SFMBT2: variants seen among roughly 807,000 people sequenced by gnomAD.
SFMBT2 encodes the protein scm-like with four MBT domains protein 2.
A neutral mutation model predicts 110.1 loss-of-function variants in SFMBT2; 38 were observed. The ratio of observed to expected loss-of-function variants is 0.35; its 90% CI spans 0.27 to 0.45. The LOEUF (loss-of-function observed/expected upper bound fraction) is 0.45. Ranked by LOEUF, SFMBT2 falls within the 20% of genes least tolerant of loss-of-function variation. SFMBT2 has a pLI of 1.00. For synonymous variants in SFMBT2, 425 were observed against 425.4 expected (o/e 1.00, Z 0.01); for missense variants, 1,011 against 1,094.9 (o/e 0.92, Z 1.08).
chr10:7,411,258 A>AC, upstream of SFMBT2: 1 of 149,704 alleles, frequency 6.7e-6, no homozygotes, highest in Non-Finnish European at 1.5e-5. Flanking sequence ...GCAGGCGGGC[A>AC]CCCCCAGGAC....
intron 9 of SFMBT2, among the ~76,000 whole-genome samples, chr10:7,228,738 T>TTCTCTCTCTC (rs56871421): frequency 4.8e-5 from 3 of 62,546 alleles, no homozygotes; most frequent in East Asian, 5.1e-4. Flanking sequence ...TTTCTTTCCT[T>TTCTCTCTCTC]TCTCTCTCTC....
upstream of SFMBT2, among the ~76,000 whole-genome samples, chr10:7,411,058 C>T (rs1401652090): frequency 7.4e-6 from 1 of 135,648 alleles, no homozygotes; most frequent in South Asian, 2.6e-4. Flanking sequence ...TGCGCATGCT[C>T]GGCGCTCTTT....
intron 4 of SFMBT2, among the ~76,000 whole-genome samples, chr10:7,344,409 G>A (rs1209025819): frequency 6.6e-6 from 1 of 152,154 alleles, no homozygotes; most frequent in East Asian, 1.9e-4. Context: ...TTTTATAAAG[G>A]GAAGTTGCCC....
chr10:7,302,058 G>A (rs369003123), intron 4 of SFMBT2, among the ~76,000 whole-genome samples: 2 of 152,160 alleles, frequency 1.3e-5, no homozygotes, highest in East Asian at 3.9e-4. Flanking sequence ...AAAACTACCA[G>A]AAAACAACAC....
chr10:7,202,608 G>A (rs1293555669), intron 12 of SFMBT2, 86 bp from the exon 13 acceptor site: 47 of 1,602,592 alleles, frequency 2.9e-5, no homozygotes, highest in Non-Finnish European at 4.0e-5. Context: ...AAGCAAAGAG[G>A]TACCCATTTT....
intron 4 of SFMBT2, among the ~76,000 whole-genome samples, chr10:7,359,221 G>A (rs1272666531): frequency 1.3e-5 from 2 of 152,230 alleles, no homozygotes; most frequent in East Asian, 1.9e-4. Flanking sequence ...GGATCATTCA[G>A]GACGTTCAAA....
At chr10:7,211,325 T>C (rs1839340790) in intron 11 of SFMBT2, among the ~76,000 whole-genome samples, 1 of 152,098 alleles carries the variant, frequency 6.6e-6, no homozygotes, top group Non-Finnish European at 1.5e-5. Context: ...TGCAGGCAGA[T>C]GAAGGCAGGC....
intron 11 of SFMBT2, among the ~76,000 whole-genome samples, chr10:7,211,900 C>T (rs112997810): frequency 0.017 from 2,560 of 152,252 alleles, 29 homozygotes; most frequent in Non-Finnish European, 0.023. Context: ...TGGGCTCAGA[C>T]GGGCTTCTCT....
chr10:7,178,921 A>G (rs1347190982), intron 16 of SFMBT2, among the ~76,000 whole-genome samples: 5 of 152,250 alleles, frequency 3.3e-5, no homozygotes, highest in Non-Finnish European at 7.3e-5. Context: ...AACAGATCAT[A>G]GGTTTTTATT....
In SFMBT2 at chr10:7,171,361, GAA is replaced by G; in HGVS notation, c.2416-307_2416-306del. On this transcript the variant is annotated intron_variant, in intron 19 of 20. Coordinates refer to ENST00000397167, the MANE Select transcript of SFMBT2 (RefSeq NM_001387889.1). This position sits in a 1 kb window ranked among gnomAD's most constrained non-coding sequence, Gnocchi z 4.9. Reference sequence around the variant, plus strand: ...TATGAACGAAGCATCTCTGATTAGAGAAAAGAGGAGAAATACAAGGGGCACGT... The same window carrying G: ...TATGAACGAAGCATCTCTGATTAGAGAAGAGGAGAAATACAAGGGGCACGT... The G allele has an allele frequency of 1.0e-6, 1 of 984,658 alleles. No individual in the cohort carries two copies. Among genetic ancestry groups the G allele is most frequent in the Non-Finnish European group, 1.2e-6 (1 of 829,216 alleles). The allele number at this position is 984,658 out of a possible 1,614,324, so 61.0% of individuals were successfully genotyped here.
At chr10:7,215,285 G>C (rs1839496187) in intron 11 of SFMBT2, among the ~76,000 whole-genome samples, 1 of 152,088 alleles carries the variant, frequency 6.6e-6, no homozygotes, top group Non-Finnish European at 1.5e-5. Flanking sequence ...CGTGCCTGAA[G>C]TTCCAGCTAC....
intron 10 of SFMBT2, among the ~76,000 whole-genome samples, chr10:7,226,839 C>A (rs919301322): frequency 1.3e-5 from 2 of 152,170 alleles, no homozygotes; most frequent in East Asian, 3.8e-4. Flanking sequence ...ATAAGCTATA[C>A]CATCCAGGCC....
intron 7 of SFMBT2, among the ~76,000 whole-genome samples, chr10:7,269,684 A>G (rs1841510024): frequency 6.6e-6 from 1 of 151,510 alleles, no homozygotes; most frequent in Non-Finnish European, 1.5e-5. Flanking sequence ...ATCAACAGTG[A>G]TAACAGAGAA....
chr10:7,260,851 T>C (rs1034400052), intron 7 of SFMBT2, among the ~76,000 whole-genome samples: 50 of 152,096 alleles, frequency 3.3e-4, no homozygotes, highest in African/African-American at 1.2e-3. Context: ...TCAAATACCA[T>C]ACTGAATAGG....
chr10:7,175,047 G>A (rs575957561), intron 17 of SFMBT2, among the ~76,000 whole-genome samples: 64 of 152,370 alleles, frequency 4.2e-4, no homozygotes, highest in African/African-American at 1.5e-3. Context: ...TCAGATTCCT[G>A]GTTCCAGCAC....
At position 7,159,191 on chromosome 10, in the gene SFMBT2, T is replaced by C. The variant is rs1837487502; in HGVS notation, c.*4579A>G. 6.6e-6 allele frequency: 1 copy of C among 152,202 alleles called. No homozygotes were observed. The highest frequency in any genetic ancestry group is 1.5e-5 in the Non-Finnish European group (1 of 68,046). 9.4% of individuals were successfully genotyped at this position (152,202 alleles called of 1,614,324 possible). On this transcript the variant is annotated 3_prime_UTR_variant, in exon 21 of 21. Coordinates refer to ENST00000397167, the MANE Select transcript of SFMBT2 (RefSeq NM_001387889.1). ...AAATCCCATTACTTAGTGCCAACAA[T>C]TCAGAAGGATTATGGCCTCTTCCTC...
intron 4 of SFMBT2, among the ~76,000 whole-genome samples, chr10:7,348,861 A>G (rs1010548219): frequency 3.3e-5 from 5 of 152,218 alleles, no homozygotes; most frequent in Non-Finnish European, 5.9e-5. Context: ...GGAACCTGCC[A>G]CGGTCATTTC....
At chr10:7,228,729 TTCTTTCCTTTCTCTCTCTCTC>T (rs1840001124) in intron 9 of SFMBT2, among the ~76,000 whole-genome samples, 5 of 90,482 alleles carry the variant, frequency 5.5e-5, no homozygotes, top group African/African-American at 2.7e-4. Context: ...CTTTCTTTCT[TTCTTTCCTTTCTCTCTCTCTC>T]TCTCTCTCTC....
At chr10:7,220,377 C>T in intron 11 of SFMBT2, 34 bp downstream of exon 11, 1 of 1,600,210 alleles carries the variant, frequency 6.2e-7, no homozygotes. Flanking sequence ...CTCTACATTC[C>T]CCCCAGCGAC....
Sources: gnomAD v4.1 joint callset for allele counts (sites outside exome capture counted in the v4.1 genomes callset) on GRCh38, gnomAD v4.1.1 for gene constraint, Gnocchi (gnomAD v3.1) non-coding constraint, MANE v1.5 for transcripts, NCBI Gene and HGNC (gene_info 2026-07-23, HGNC 2026-07-21) for gene names.